Variants in HHAT observed in about 807,000 individuals in gnomAD.
HHAT encodes the protein protein-cysteine N-palmitoyltransferase HHAT.
A neutral mutation model predicts 70.8 loss-of-function variants in HHAT; 47 were observed. That is an observed-to-expected ratio of 0.66 (90% CI 0.53 to 0.85). The LOEUF is 0.85. Among genes scored for constraint, HHAT ranks in the 40% least tolerant of loss-of-function variants. HHAT has a pLI of 0.00. For missense variants in HHAT, 609 were observed against 604.8 expected, an observed-to-expected ratio of 1.01 and a Z score of -0.07; for synonymous variants, 228 against 247.6, an observed-to-expected ratio of 0.92 and a Z score of 0.74.
At chr1:210,553,283 C>G (rs890371722) in intron 9 of HHAT, among the ~76,000 whole-genome samples, 2 of 152,140 alleles carry the variant, frequency 1.3e-5, no homozygotes, top group African/African-American at 4.8e-5. Flanking sequence ...TCCATTTGCT[C>G]TTCTTCAGCT....
intron 10 of HHAT, among the ~76,000 whole-genome samples, chr1:210,611,630 T>A (rs1346865616): frequency 1.3e-5 from 2 of 152,170 alleles, no homozygotes; most frequent in Non-Finnish European, 2.9e-5. Flanking sequence ...TAGTATGATG[T>A]TGGCTATGGG....
At chr1:210,520,961 T>C (rs1432528600) in intron 9 of HHAT, among the ~76,000 whole-genome samples, 1 of 152,200 alleles carries the variant, frequency 6.6e-6, no homozygotes, top group Non-Finnish European at 1.5e-5. Flanking sequence ...ATGCAAAGTA[T>C]GGAAATCATT....
chr1:210,431,561 A>G (rs1193735248), intron 7 of HHAT, among the ~76,000 whole-genome samples: 1 of 151,898 alleles, frequency 6.6e-6, no homozygotes, highest in Non-Finnish European at 1.5e-5. Flanking sequence ...TATTGCCAGA[A>G]ATGGAAATTC....
At chr1:210,335,318 G>GAAAA (rs11371332) in intron 1 of HHAT, among the ~76,000 whole-genome samples, 1 of 145,698 alleles carries the variant, frequency 6.9e-6, no homozygotes, top group African/African-American at 2.5e-5. Context: ...CATTCATGAT[G>GAAAA]AAAAAAAAAA....
chr1:210,467,095 A>G (rs1160114765), intron 8 of HHAT, among the ~76,000 whole-genome samples: 2 of 152,170 alleles, frequency 1.3e-5, no homozygotes, highest in Non-Finnish European at 1.5e-5. Flanking sequence ...TAGCTTCTTT[A>G]GCATGCATAG....
intron 8 of HHAT, among the ~76,000 whole-genome samples, chr1:210,494,542 CT>C (rs71146226): frequency 3.9e-3 from 322 of 82,768 alleles, no homozygotes; most frequent in Middle Eastern, 7.1e-3. Flanking sequence ...TTTGAAATAG[CT>C]TTTTTTTTTT....
At chr1:210,431,123 G>C (rs1336249913) in intron 7 of HHAT, among the ~76,000 whole-genome samples, 1 of 151,888 alleles carries the variant, frequency 6.6e-6, no homozygotes, top group African/African-American at 2.4e-5. Flanking sequence ...TTCATCCAGA[G>C]AATATTTAGG....
chr1:210,445,782 C>T (rs2093622614), intron 7 of HHAT, among the ~76,000 whole-genome samples: 2 of 152,054 alleles, frequency 1.3e-5, no homozygotes, highest in South Asian at 4.1e-4. Context: ...TCTCCTGCCA[C>T]CTGCCCCACC....
intron 8 of HHAT, among the ~76,000 whole-genome samples, chr1:210,477,840 A>G (rs2094328887): frequency 6.6e-6 from 1 of 152,168 alleles, no homozygotes; most frequent in Non-Finnish European, 1.5e-5. Context: ...TAGGAGACTA[A>G]GGGAAATGGA....
At chr1:210,374,133 TCTTTTTTTATAAAA>T (rs994828271) in intron 3 of HHAT, 4 of 152,180 alleles carry the variant, frequency 2.6e-5, no homozygotes, top group African/African-American at 9.7e-5. Flanking sequence ...CCTCTTTAAG[TCTTTTTTTATAAAA>T]CATGATCTGC....
At chr1:210,415,710 G>A (rs2092700227) in intron 6 of HHAT, among the ~76,000 whole-genome samples, 1 of 151,962 alleles carries the variant, frequency 6.6e-6, no homozygotes, top group Non-Finnish European at 1.5e-5. Context: ...CCAGGGTGGA[G>A]CGCAGTGGTA....
At chr1:210,374,014 C>T (rs931531256) in intron 3 of HHAT, 6 of 152,282 alleles carry the variant, frequency 3.9e-5, no homozygotes, top group East Asian at 1.9e-4. Flanking sequence ...GTATTCAGAC[C>T]TTTGACATGG....
intron 8 of HHAT, among the ~76,000 whole-genome samples, chr1:210,498,455 C>T (rs935835609): frequency 6.6e-6 from 1 of 152,076 alleles, no homozygotes; most frequent in Non-Finnish European, 1.5e-5. Context: ...AGATAGGGAC[C>T]ACTGGTAGCT....
chr1:210,524,418 A>T (rs1368662814), intron 9 of HHAT, among the ~76,000 whole-genome samples: 2 of 152,138 alleles, frequency 1.3e-5, no homozygotes, highest in Admixed American at 6.5e-5. Flanking sequence ...GGAAGGAGTC[A>T]CCAGGGAAAG....
chr1:210,550,515 C>T lies in HHAT; in HGVS notation c.1043+37327C>T, dbSNP rs534067400. Among the ~76,000 whole-genome samples the T allele has an allele frequency of 1.2e-4, 18 of 148,964 alleles. 1 individual carries two copies. The highest frequency in any genetic ancestry group is 2.0e-4 in the African/African-American group (8 of 40,220). On this transcript the variant is annotated intron_variant, in intron 9 of 11. Coordinates refer to ENST00000261458, the MANE Select transcript of HHAT (RefSeq NM_018194.6). ...TGATATGAAGCTGTGAGCACGGTAA[C>T]GAGCACATAGTAGGTATTCAGTTAA...
At chr1:210,539,793 C>T (rs1373477252) in intron 9 of HHAT, among the ~76,000 whole-genome samples, 3 of 152,036 alleles carry the variant, frequency 2.0e-5, no homozygotes, top group African/African-American at 7.2e-5. Flanking sequence ...TTTGTGCTCA[C>T]GAAGCCCTGT....
chr1:210,370,617 T>A (rs1175898183), intron 3 of HHAT, among the ~76,000 whole-genome samples: 3 of 141,282 alleles, frequency 2.1e-5, no homozygotes, highest in Non-Finnish European at 4.6e-5. Flanking sequence ...GCTATTTTTT[T>A]TTTTTTTTTT....
intron 4 of HHAT, among the ~76,000 whole-genome samples, chr1:210,394,004 A>G (rs1307711925): frequency 1.3e-5 from 2 of 152,148 alleles, no homozygotes; most frequent in Admixed American, 6.5e-5. Context: ...TGGAAGATTT[A>G]GGCTGCAGTT....
intron 11 of HHAT, among the ~76,000 whole-genome samples, chr1:210,673,876 C>T (rs1300195202): frequency 2.6e-5 from 4 of 151,190 alleles, no homozygotes; most frequent in Admixed American, 2.0e-4. Flanking sequence ...CTCAAGTGAT[C>T]CTCCCACCTC....
Sources: gnomAD v4.1 joint callset for allele counts (sites outside exome capture counted in the v4.1 genomes callset) on GRCh38, gnomAD v4.1.1 for gene constraint, MANE v1.5 for transcripts, NCBI Gene and HGNC (gene_info 2026-07-23, HGNC 2026-07-21) for gene names.